Variants in CHEK2 observed in about 807,000 individuals in gnomAD.
The protein encoded by CHEK2 is serine/threonine-protein kinase Chk2.
In CHEK2, 71 loss-of-function variants were observed where a neutral mutation model predicts 69.1. That is an observed-to-expected ratio of 1.03 (90% confidence interval 0.85 to 1.25). The LOEUF is 1.25. Among genes scored for constraint, CHEK2 ranks in the 50% most tolerant of loss-of-function variants. CHEK2 has a pLI of 0.00. For synonymous variants in CHEK2, 189 were observed against 226.9 expected (o/e 0.83, Z 1.50); for missense variants, 664 against 649.6 (o/e 1.02, Z -0.24).
intron 9 of CHEK2, among the ~76,000 whole-genome samples, chr22:28,698,166 G>A (rs953123269): frequency 4.8e-5 from 7 of 147,204 alleles, no homozygotes; most frequent in Non-Finnish European, 1.0e-4. Context: ...CAAGGCAGGC[G>A]GATAGTTTGA....
At chr22:28,740,367 G>A (rs566058413) in intron 1 of CHEK2, among the ~76,000 whole-genome samples, 26 of 152,244 alleles carry the variant, frequency 1.7e-4, no homozygotes, top group Middle Eastern at 3.4e-3. Context: ...CCCAGTATCC[G>A]CCATCAAAGG....
chr22:28,718,314 G>A (rs2053652691), intron 5 of CHEK2, among the ~76,000 whole-genome samples: 1 of 152,068 alleles, frequency 6.6e-6, no homozygotes, highest in Admixed American at 6.6e-5. Context: ...GAGAACCCTG[G>A]TACACTGTTG....
At chr22:28,728,969 T>C (rs2054100676) in intron 2 of CHEK2, among the ~76,000 whole-genome samples, 1 of 34,446 alleles carries the variant, frequency 2.9e-5, no homozygotes, top group Non-Finnish European at 6.0e-5. Flanking sequence ...AGTGAGACCC[T>C]GTCTCAAAAA....
intron 5 of CHEK2, among the ~76,000 whole-genome samples, chr22:28,717,833 C>T (rs963529169): frequency 6.6e-6 from 1 of 152,112 alleles, no homozygotes; most frequent in Non-Finnish European, 1.5e-5. Flanking sequence ...GAGCTGAGAC[C>T]ACACCATTGC....
At chr22:28,705,265 G>T (rs1401543046) in intron 7 of CHEK2, among the ~76,000 whole-genome samples, 2 of 151,570 alleles carry the variant, frequency 1.3e-5, no homozygotes, top group Non-Finnish European at 2.9e-5. Context: ...TTTTAGTAGA[G>T]ACTTGGTTTC....
chr22:28,697,365 C>T (rs1195269508), intron 9 of CHEK2, among the ~76,000 whole-genome samples: 1 of 152,008 alleles, frequency 6.6e-6, no homozygotes, highest in Admixed American at 6.6e-5. Context: ...TTGGTTATTG[C>T]AGTCCTGAGA....
chr22:28,710,216 C>CTTAAATAA lies in CHEK2; in HGVS notation c.793-158_793-157insTTATTTAA, dbSNP rs2053345232. On this transcript the variant is annotated intron_variant, in intron 6 of 14. Coordinates refer to ENST00000404276, the MANE Select transcript of CHEK2 (RefSeq NM_007194.4). ...AAAGCCCAGGTCAATGACTTAAATA[C>CTTAAATAA]CTCACCTAAAATAACTTTGTAAAAT... is the stretch of plus-strand genomic sequence containing the variant. 7.2e-5 allele frequency among the ~76,000 whole-genome samples: 11 copies of CTTAAATAA among 152,290 alleles called. No homozygotes were observed. In the South Asian group the frequency reaches 2.3e-3, roughly 32 times the overall value.
At chr22:28,708,263 C>T (rs2053232194) in intron 7 of CHEK2, among the ~76,000 whole-genome samples, 1 of 151,766 alleles carries the variant, frequency 6.6e-6, no homozygotes, top group Admixed American at 6.6e-5. Flanking sequence ...GAGGCTGAGG[C>T]AGGAGTATCG....
chr22:28,703,616 G>A (rs1431063045), intron 7 of CHEK2, 50 bp from the exon 8 acceptor site: 1 of 1,163,970 alleles, frequency 8.6e-7, no homozygotes, highest in Non-Finnish European at 1.3e-6. Flanking sequence ...CTCCCAAGAG[G>A]AAAACCACAA....
rs1601698243 is a variant in CHEK2, at chr22:28,687,982, G to C, written c.1547C>G (p.Ser516Cys). 2 of 1,595,136 alleles carry C rather than the reference G, an allele frequency of 1.3e-6. No individual in the cohort carries two copies. The highest frequency in any genetic ancestry group is 2.7e-5 in the African/African-American group (2 of 74,828). Residue 516 changes from serine (S) to cysteine (C), a missense_variant, in exon 15 of 15, where the codon TCT becomes TGT. By Grantham distance (112) the Ser-to-Cys change is moderately radical (BLOSUM62 -1). Coordinates refer to ENST00000404276, the MANE Select transcript of CHEK2 (RefSeq NM_007194.4). ...TTCACGGGGCCGCTTTCGACTAGTA[G>C]AAGGCTGAAAATAAAGGAAAATGGA... ...TALPQVLAQP[S>C]TSRKRPREGE...
chr22:28,725,239 C>T lies in CHEK2; in HGVS notation c.444+4G>A, dbSNP rs1434760802. ...TCCTAGATACATGGGTATTCATTAC[C>T]TACCCTGAAAATCCGAAAGTGTTTC... On this transcript the variant is annotated splice_donor_region_variant and intron_variant, in intron 3 of 14. Transcript: ENST00000404276. 5 of 1,613,866 alleles carry T rather than the reference C, an allele frequency of 3.1e-6. No individual in the cohort carries two copies. The highest frequency in any genetic ancestry group is 4.2e-6 in the Non-Finnish European group (5 of 1,179,978).
chr22:28,703,003 G>A (rs1182549992), intron 8 of CHEK2, among the ~76,000 whole-genome samples: 1 of 152,096 alleles, frequency 6.6e-6, no homozygotes, highest in Non-Finnish European at 1.5e-5. Flanking sequence ...ATTTTTCTAA[G>A]TATTTTCGAT....
intron 7 of CHEK2, among the ~76,000 whole-genome samples, chr22:28,709,140 C>T (rs892340169): frequency 2.0e-5 from 3 of 151,800 alleles, no homozygotes; most frequent in African/African-American, 7.3e-5. Context: ...TTAAGCCCAC[C>T]CTCTAATTTT....
rs137853010 is a variant in CHEK2 at position 28,725,028 on chromosome 22, G to A, written c.541C>T (p.Arg181Cys). 130 of 1,613,650 alleles carry A rather than the reference G, an allele frequency of 8.1e-5. No individual in the cohort carries two copies. Among genetic ancestry groups the A allele is most frequent in the South Asian group, 4.9e-4 (45 of 91,072 alleles). The change falls in exon 4 of 15, where the codon CGT becomes TGT. Residue 181 changes from arginine to cysteine, a missense_variant. Transcript: ENST00000404276. ...NTELVGKGKR[R>C]PLNNNSEIAL... ...ATTTCAGAATTGTTATTCAAAGGACGGCGTTTTCCTTTCCCTACAAGCTCT... is the reference window on the plus strand; with the variant it reads ...ATTTCAGAATTGTTATTCAAAGGACAGCGTTTTCCTTTCCCTACAAGCTCT...
chr22:28,715,263 G>C (rs2053549311), intron 5 of CHEK2, among the ~76,000 whole-genome samples: 1 of 152,120 alleles, frequency 6.6e-6, no homozygotes, highest in African/African-American at 2.4e-5. Context: ...GATGGAGCTA[G>C]AGCCCTGGTG....
At chr22:28,704,311 CTTTT>C (rs538567741) in intron 7 of CHEK2, among the ~76,000 whole-genome samples, 6 of 147,800 alleles carry the variant, frequency 4.1e-5, no homozygotes, top group Admixed American at 2.0e-4. Context: ...ATTTTTCTTT[CTTTT>C]TTTTTTATTT....
intron 13 of CHEK2, among the ~76,000 whole-genome samples, chr22:28,689,827 A>T (rs979934316): frequency 6.6e-6 from 1 of 152,094 alleles, no homozygotes; most frequent in African/African-American, 2.4e-5. Flanking sequence ...GGAGCAGGAG[A>T]TGAGGAGGGC....
chr22:28,714,050 C>T (rs946845257), intron 5 of CHEK2, among the ~76,000 whole-genome samples: 2 of 152,114 alleles, frequency 1.3e-5, no homozygotes, highest in Admixed American at 6.6e-5. Flanking sequence ...CGTGATAATT[C>T]TATGTTTACC....
At chr22:28,730,255 AGGG>A in intron 2 of CHEK2, among the ~76,000 whole-genome samples, 1 of 24 alleles carries the variant, frequency 0.042, no homozygotes, top group Non-Finnish European at 0.1. Context: ...AGAGGAGAGG[AGGG>A]GAGGGGAGGA....
Sources: gnomAD v4.1 joint callset for allele counts (sites outside exome capture counted in the v4.1 genomes callset) on GRCh38, gnomAD v4.1.1 for gene constraint, MANE v1.5 for transcripts, NCBI Gene and HGNC (gene_info 2026-07-23, HGNC 2026-07-21) for gene names.